PAOX: variants seen among roughly 807,000 people sequenced by gnomAD.
The protein encoded by PAOX is polyamine oxidase, also known as peroxisomal N(1)-acetyl-spermine/spermidine oxidase.
Under a neutral mutation model 39.0 loss-of-function variants are expected in PAOX, and 38 were observed. That is an observed-to-expected ratio of 0.97 (90% CI 0.75 to 1.28). The LOEUF (loss-of-function observed/expected upper bound fraction) is 1.28, where lower values mean the gene tolerates loss of function less well. PAOX is among the 50% of genes most tolerant of loss of function. The probability of loss-of-function intolerance (pLI) is 0.00; values close to 1 mark genes in which losing one functional copy is unlikely to be tolerated. For synonymous variants in PAOX, 311 were observed against 314.4 expected, an observed-to-expected ratio of 0.99 and a Z score of 0.11; for missense variants, 667 against 685.7, an observed-to-expected ratio of 0.97 and a Z score of 0.30.
chr10:133,381,251 T>C (rs1197252164), intron 2 of PAOX, among the ~76,000 whole-genome samples: 1 of 152,230 alleles, frequency 6.6e-6, no homozygotes, highest in African/African-American at 2.4e-5. Flanking sequence ...CTGTGCCCAC[T>C]GAACCCTCCC....
chr10:133,388,496 CAT>C (rs1354536577), intron 4 of PAOX, among the ~76,000 whole-genome samples: 3 of 152,250 alleles, frequency 2.0e-5, no homozygotes, highest in Non-Finnish European at 4.4e-5. Context: ...TTGTAACCCT[CAT>C]GTGCAGTGGT....
chr10:133,380,931 C>G (rs1849350005), intron 2 of PAOX, among the ~76,000 whole-genome samples: 1 of 152,186 alleles, frequency 6.6e-6, no homozygotes, highest in South Asian at 2.1e-4. Context: ...TGAGCCAAGA[C>G]TGCGCCATTG....
rs570395676 is a variant in PAOX, at chr10:133,384,449, T to C, written c.1121+237T>C. Among the ~76,000 whole-genome samples the C allele has an allele frequency of 2.8e-4, 43 of 152,314 alleles. No individual in the cohort carries two copies. The highest frequency in any genetic ancestry group is 9.1e-4 in the African/African-American group (38 of 41,572). ...TCCCTCAGGGCCCAGAATGTGTTTGTAGACTTGCAGGCAGGCTCAGTCTTC... is the reference window on the plus strand; with the variant it reads ...TCCCTCAGGGCCCAGAATGTGTTTGCAGACTTGCAGGCAGGCTCAGTCTTC... On this transcript the variant is annotated intron_variant, in intron 4 of 6. Transcript: ENST00000278060. This position sits in a 1 kb window ranked among gnomAD's most constrained non-coding sequence, Gnocchi z 4.3.
At chr10:133,389,921 T>TAC (rs1265182673) in intron 6 of PAOX, among the ~76,000 whole-genome samples, 174 bp downstream of exon 6, 1 of 152,240 alleles carries the variant, frequency 6.6e-6, no homozygotes, top group African/African-American at 2.4e-5. Flanking sequence ...GTGAGAATTA[T>TAC]ACACACACAG....
At chr10:133,389,822 C>T in intron 6 of PAOX, 75 bp downstream of exon 6, 1 of 1,369,576 alleles carries the variant, frequency 7.3e-7, no homozygotes. Context: ...GCTGCAGGAG[C>T]ACCAGCCAGT....
At chr10:133,389,456 C>G in intron 5 of PAOX, 134 bp from the exon 6 acceptor site, 1 of 1,319,464 alleles carries the variant, frequency 7.6e-7, no homozygotes. Flanking sequence ...CCTCTCCTGA[C>G]ACACTCTGCT....
In PAOX at chr10:133,379,353, G is replaced by A; in HGVS notation, c.37G>A (p.Gly13Arg). ...CGGCAGCGTCGGGGAGGCCCCGGGC[G>A]GACCCCGGGTGCTGGTGGTGGGCGG... is the stretch of plus-strand genomic sequence containing the variant. ...STGSVGEAPG[G>R]PRVLVVGGGI... The change falls in exon 1 of 7, where the codon GGA becomes AGA. Residue 13 changes from glycine to arginine, a missense_variant. Transcript: ENST00000278060. 3 of 1,218,724 alleles carry A rather than the reference G, an allele frequency of 2.5e-6. No homozygotes were observed. The highest frequency in any genetic ancestry group is 3.1e-6 in the Non-Finnish European group (3 of 979,884). The allele number at this position is 1,218,724 out of a possible 1,614,324, so 75.5% of individuals were successfully genotyped here.
At chr10:133,379,881 G>A (rs1428255265) in intron 1 of PAOX, 118 bp from the exon 2 acceptor site, 5 of 1,351,574 alleles carry the variant, frequency 3.7e-6, no homozygotes, top group Non-Finnish European at 4.0e-6. Flanking sequence ...CAGGGCCCTT[G>A]GGGACAGTGT....
chr10:133,390,325 C>A (rs146674808), intron 6 of PAOX, among the ~76,000 whole-genome samples: 2 of 152,162 alleles, frequency 1.3e-5, no homozygotes, highest in East Asian at 3.9e-4. Context: ...CACCTGTAAT[C>A]CTAGTGCTTT....
chr10:133,383,912 C>T (rs371057436), intron 3 of PAOX, 48 bp from the exon 4 acceptor site: 81 of 1,569,930 alleles, frequency 5.2e-5, no homozygotes, highest in Non-Finnish European at 6.3e-5. Context: ...ACAGGACTTC[C>T]GTGGAGGGCT....
At chr10:133,386,405 A>G (rs1337940603) in intron 4 of PAOX, among the ~76,000 whole-genome samples, 1 of 152,142 alleles carries the variant, frequency 6.6e-6, no homozygotes, top group Non-Finnish European at 1.5e-5. Flanking sequence ...TTCTGTGGTG[A>G]TGTTTTATTT....
chr10:133,388,879 CATGCAGGTCTGGTCA>C, intron 4 of PAOX, 62 bp from the exon 5 acceptor site: 1 of 681,074 alleles, frequency 1.5e-6, no homozygotes, highest in Non-Finnish European at 2.7e-6. Flanking sequence ...TCTCTTTCTC[CATGCAGGTCTGGTCA>C]TCCCAGGGCT....
intron 3 of PAOX, among the ~76,000 whole-genome samples, chr10:133,383,609 A>G (rs1057257878): frequency 6.6e-6 from 1 of 151,648 alleles, no homozygotes; most frequent in African/African-American, 2.4e-5. Context: ...TCTCAAAAAA[A>G]AAAAAAAAAA....
Position 133,389,722 on chromosome 10 carries a change from T to C in PAOX, c.1367T>C (p.Leu456Pro). The C allele has an allele frequency of 1.9e-6, 3 of 1,567,904 alleles. No individual in the cohort carries two copies. In the South Asian group the frequency reaches 3.4e-5, roughly 18 times the overall value. Residue 456 changes from leucine (L) to proline (P), a missense_variant, in exon 6 of 7, where the codon CTC becomes CCC. Coordinates refer to ENST00000278060, the MANE Select transcript of PAOX (RefSeq NM_152911.4). The stretch of plus-strand genomic sequence containing the variant: ...GACCTGGACCTGCTGGCTCAGCCCC[T>C]CCCTGCAGACGGCGCCGGCGCCCAG... Reference protein sequence around the residue: ...GGDLDLLAQPLPADGAGAQLQ... With the variant: ...GGDLDLLAQPPPADGAGAQLQ...
At position 133,391,371 on chromosome 10, in the gene PAOX, G is replaced by A. The variant is rs1849678103; in HGVS notation, c.1452G>A (p.Gly484=). ...THRTFYSTTH[G]ALLSGWREAD... The stretch of plus-strand genomic sequence containing the variant: ...GCACGTTTTACTCCACGACGCACGG[G>A]GCTCTGCTGTCGGGATGGAGGGAGG... Residue 484 remains glycine (G), a synonymous_variant, in exon 7 of 7, where the codon GGG becomes GGA. Coordinates refer to ENST00000278060, the MANE Select transcript of PAOX (RefSeq NM_152911.4). 1.2e-6 allele frequency: 2 copies of A among 1,613,388 alleles called. No homozygotes were observed. The highest frequency in any genetic ancestry group is 1.7e-6 in the Non-Finnish European group (2 of 1,180,058).
At chr10:133,381,841 A>T (rs370364408) in intron 3 of PAOX, among the ~76,000 whole-genome samples, 182 bp downstream of exon 3, 1 of 152,332 alleles carries the variant, frequency 6.6e-6, no homozygotes, top group African/African-American at 2.4e-5. Context: ...CTTTGGAATT[A>T]AGGGTTTCAC....
Position 133,391,309 on chromosome 10 carries a change from C to T in PAOX, c.1393-3C>T. On this transcript the variant is annotated splice_polypyrimidine_tract_variant and splice_region_variant and intron_variant, in intron 6 of 6. Coordinates refer to ENST00000278060, the MANE Select transcript of PAOX (RefSeq NM_152911.4). ...CCATTCTAACCCTGGCTCTTCTTTG[C>T]AGCTCCAGATCCTGTTTGCGGGGGA... 1.2e-6 allele frequency: 2 copies of T among 1,613,342 alleles called. No homozygotes were observed.
At chr10:133,387,698 A>G (rs1428138009) in intron 4 of PAOX, among the ~76,000 whole-genome samples, 2 of 152,222 alleles carry the variant, frequency 1.3e-5, no homozygotes, top group Non-Finnish European at 2.9e-5. Context: ...GGAGTGTTCT[A>G]TGCGGATCCC....
Position 133,379,324 on chromosome 10 carries a change from C to A in PAOX, c.8C>A (p.Ser3Ter). Residue 3 changes from serine (S) to a stop codon, truncating the protein, a stop_gained, in exon 1 of 7, where the codon TCG becomes TAG. Transcript: ENST00000278060. LOFTEE classifies it high-confidence loss of function. ...GACTGCCCGGACCGCGCGATGGAGT[C>A]GACCGGCAGCGTCGGGGAGGCCCCG... ME[S>*]TGSVGEAPGG... 6 of 1,217,326 alleles carry A rather than the reference C, an allele frequency of 4.9e-6. No individual in the cohort carries two copies. The highest frequency in any genetic ancestry group is 8.3e-5 in the South Asian group (2 of 24,072). 75.4% of individuals were successfully genotyped at this position (1,217,326 alleles called of 1,614,324 possible). A position where few individuals can be genotyped will look rare whatever the true frequency, so the allele number is the denominator to read the frequency against.
Sources: gnomAD v4.1 joint callset for allele counts (sites outside exome capture counted in the v4.1 genomes callset) on GRCh38, gnomAD v4.1.1 for gene constraint, Gnocchi (gnomAD v3.1) non-coding constraint, MANE v1.5 for transcripts, NCBI Gene and HGNC (gene_info 2026-07-23, HGNC 2026-07-21) for gene names.